Variants in SGMS1 observed in about 807,000 individuals in gnomAD.
SGMS1 encodes sphingomyelin synthase 1.
In SGMS1, 13 loss-of-function variants were observed where a neutral mutation model predicts 46.2. The observed-to-expected ratio is 0.28, with a 90% CI of 0.18 to 0.45. SGMS1 has a LOEUF of 0.45. SGMS1 is among the 20% of genes least tolerant of loss of function. The probability of loss-of-function intolerance (pLI) is 1.00; values close to 1 mark genes in which losing one functional copy is unlikely to be tolerated. For missense variants in SGMS1, 324 were observed against 519.9 expected, an observed-to-expected ratio of 0.62 and a Z score of 3.66; for synonymous variants, 203 against 187.8, an observed-to-expected ratio of 1.08 and a Z score of -0.66.
rs371536757 is a variant in SGMS1, at chr10:50,386,245, G to A, written c.-231-41900C>T. Among the ~76,000 whole-genome samples the A allele has an allele frequency of 6.6e-5, 10 of 152,210 alleles. No homozygotes were observed. In the East Asian group the frequency reaches 1.5e-3, roughly 23 times the overall value. On this transcript the variant is annotated intron_variant, in intron 6 of 10. Coordinates refer to ENST00000361781, the MANE Select transcript of SGMS1 (RefSeq NM_147156.4). ...GAATTATAAAACTAATTATTGTGTC[G>A]CAGCCTTTCTGGATTTAACCTCAAC...
At chr10:50,522,273 C>G (rs367979215) in intron 2 of SGMS1, among the ~76,000 whole-genome samples, 2 of 152,080 alleles carry the variant, frequency 1.3e-5, no homozygotes, top group Admixed American at 1.3e-4. Flanking sequence ...ATCCCTGTGA[C>G]ATACTCCATC....
intron 6 of SGMS1, among the ~76,000 whole-genome samples, chr10:50,367,362 T>C (rs1848363071): frequency 6.6e-6 from 1 of 152,218 alleles, no homozygotes. Context: ...TTCTAATACT[T>C]ATTTAGATAG....
chr10:50,563,469 C>A (rs543000079), intron 2 of SGMS1, among the ~76,000 whole-genome samples: 8 of 152,134 alleles, frequency 5.3e-5, no homozygotes, highest in East Asian at 3.9e-4. Flanking sequence ...TGAGGCCGGG[C>A]GCGGTGGCTC....
At chr10:50,435,516 A>G (rs1302391309) in intron 5 of SGMS1, among the ~76,000 whole-genome samples, 2 of 152,244 alleles carry the variant, frequency 1.3e-5, no homozygotes, top group African/African-American at 2.4e-5. Flanking sequence ...TGAAATGTTC[A>G]ATACAAATCT....
chr10:50,504,194 G>A (rs1011399934), intron 3 of SGMS1, among the ~76,000 whole-genome samples: 1 of 152,154 alleles, frequency 6.6e-6, no homozygotes, highest in Non-Finnish European at 1.5e-5. Flanking sequence ...AAAATGCAGG[G>A]TGTGTCATCA....
At chr10:50,595,229 G>T (rs548459353) in intron 1 of SGMS1, among the ~76,000 whole-genome samples, 1 of 151,704 alleles carries the variant, frequency 6.6e-6, no homozygotes, top group African/African-American at 2.4e-5. Flanking sequence ...AGGCTGGAGT[G>T]CAGTAGCACG....
intron 6 of SGMS1, among the ~76,000 whole-genome samples, chr10:50,426,046 A>G (rs1168679350): frequency 6.6e-6 from 1 of 152,264 alleles, no homozygotes; most frequent in Non-Finnish European, 1.5e-5. Flanking sequence ...TAGATATGAT[A>G]TCATAAAATG....
chr10:50,328,447 T>C (rs768038156), intron 7 of SGMS1, among the ~76,000 whole-genome samples: 12 of 152,238 alleles, frequency 7.9e-5, no homozygotes, highest in Non-Finnish European at 1.6e-4. Context: ...AGGATGGGCA[T>C]ACCTACTGAG....
intron 5 of SGMS1, among the ~76,000 whole-genome samples, chr10:50,454,050 C>CAAAAAAAAAA (rs71846628): frequency 3.9e-3 from 378 of 97,446 alleles, no homozygotes; most frequent in Middle Eastern, 0.016. Flanking sequence ...TTTACATAGG[C>CAAAAAAAAAA]AAAAAAAAAA....
chr10:50,370,095 G>C (rs1236517888), intron 6 of SGMS1, among the ~76,000 whole-genome samples: 1 of 152,170 alleles, frequency 6.6e-6, no homozygotes, highest in African/African-American at 2.4e-5. Context: ...GAGCTCGCAG[G>C]ACTGGAAGTT....
chr10:50,623,506 C>T, intron 1 of SGMS1: 1 of 911,712 alleles, frequency 1.1e-6, no homozygotes, highest in Non-Finnish European at 1.3e-6. Flanking sequence ...GACCTCCCCG[C>T]TGTGACCACC....
At chr10:50,512,050 T>C (rs1245561134) in intron 3 of SGMS1, among the ~76,000 whole-genome samples, 1 of 152,148 alleles carries the variant, frequency 6.6e-6, no homozygotes, top group Non-Finnish European at 1.5e-5. Flanking sequence ...CAGATTACAA[T>C]GTCCATAGTA....
chr10:50,607,245 A>AGT (rs1206413497), intron 1 of SGMS1, among the ~76,000 whole-genome samples: 1 of 151,782 alleles, frequency 6.6e-6, no homozygotes, highest in African/African-American at 2.4e-5. Flanking sequence ...GGCCTCCCAA[A>AGT]GTGCTAGGAT....
At chr10:50,409,253 T>C (rs1406396243) in intron 6 of SGMS1, among the ~76,000 whole-genome samples, 1 of 152,220 alleles carries the variant, frequency 6.6e-6, no homozygotes, top group African/African-American at 2.4e-5. Flanking sequence ...TGGGAACATT[T>C]CAAGTCCTCT....
At chr10:50,411,290 GA>G (rs1485431066) in intron 6 of SGMS1, among the ~76,000 whole-genome samples, 2 of 152,206 alleles carry the variant, frequency 1.3e-5, no homozygotes, top group Non-Finnish European at 2.9e-5. Context: ...TGTGGATAAT[GA>G]GGCATATTGT....
chr10:50,310,452 CAT>C (rs1847236412), intron 9 of SGMS1, among the ~76,000 whole-genome samples: 1 of 152,272 alleles, frequency 6.6e-6, no homozygotes, highest in East Asian at 1.9e-4. Context: ...ACCAAAATCT[CAT>C]ATCTCAAAAA....
At chr10:50,601,574 G>A (rs560378514) in intron 1 of SGMS1, among the ~76,000 whole-genome samples, 1 of 152,312 alleles carries the variant, frequency 6.6e-6, no homozygotes, top group Non-Finnish European at 1.5e-5. Context: ...AGGTTAAGTG[G>A]CTTACCCTAG....
At chr10:50,475,710 A>G (rs1449547411) in intron 3 of SGMS1, among the ~76,000 whole-genome samples, 1 of 152,054 alleles carries the variant, frequency 6.6e-6, no homozygotes, top group East Asian at 1.9e-4. Context: ...GTGCAATCTC[A>G]TGACAGAGTT....
intron 1 of SGMS1, among the ~76,000 whole-genome samples, chr10:50,612,026 G>A (rs1224293751): frequency 6.6e-6 from 1 of 152,218 alleles, no homozygotes; most frequent in East Asian, 1.9e-4. Flanking sequence ...CCTGCCAGTG[G>A]GGTGGGTACC....
Sources: gnomAD v4.1 joint callset for allele counts (sites outside exome capture counted in the v4.1 genomes callset) on GRCh38, gnomAD v4.1.1 for gene constraint, MANE v1.5 for transcripts, NCBI Gene and HGNC (gene_info 2026-07-23, HGNC 2026-07-21) for gene names.